Variants in NLE1 observed in about 807,000 individuals in gnomAD.
The protein encoded by NLE1 is notchless protein homolog 1.
Under a neutral mutation model 62.8 loss-of-function variants are expected in NLE1, and 37 were observed. That is an observed-to-expected ratio of 0.59 (90% confidence interval 0.45 to 0.78). The LOEUF (loss-of-function observed/expected upper bound fraction) is 0.78. Among genes scored for constraint, NLE1 ranks in the 30% least tolerant of loss-of-function variants. The probability of loss-of-function intolerance (pLI) is 0.00; values close to 1 mark genes in which losing one functional copy is unlikely to be tolerated. For synonymous variants in NLE1, 243 were observed against 253.0 expected, an observed-to-expected ratio of 0.96 and a Z score of 0.37; for missense variants, 555 against 637.9, an observed-to-expected ratio of 0.87 and a Z score of 1.40.
rs2091890377 is a variant in NLE1 at position 35,133,498 on chromosome 17, C to T, written c.1215G>A (p.Lys405=). 14 of 1,610,178 alleles carry T rather than the reference C, an allele frequency of 8.7e-6. No homozygotes were observed. The highest frequency in any genetic ancestry group is 1.2e-5 in the Non-Finnish European group (14 of 1,178,784). The part of the protein sequence containing the change: ...SIKLWDGRTG[K]YLASLRGHVA... ...CGTGGCCGCGTAGGGAAGCCAGGTA[C>T]CTGGTCCAGGAGAAGACGATGATGG... Residue 405 remains lysine, a splice_region_variant and synonymous_variant, in exon 11 of 13, where the codon AAG becomes AAA. Coordinates refer to ENST00000442241, the MANE Select transcript of NLE1 (RefSeq NM_018096.5).
chr17:35,134,772 C>T (rs2091898517), intron 10 of NLE1, among the ~76,000 whole-genome samples: 1 of 152,126 alleles, frequency 6.6e-6, no homozygotes, highest in African/African-American at 2.4e-5. Context: ...TGTAACTAGG[C>T]TGGGCATGGC....
At position 35,129,241 on chromosome 17, in the gene NLE1, A is replaced by G. The variant is rs888910113; in HGVS notation, c.*3196T>C. 2.7e-6 allele frequency: 2 copies of G among 747,744 alleles called. No individual in the cohort carries two copies. The highest frequency in any genetic ancestry group is 2.4e-5 in the Admixed American group (1 of 42,216). The allele number at this position is 747,744 out of a possible 1,614,324, so 46.3% of individuals were successfully genotyped here. On this transcript the variant is annotated 3_prime_UTR_variant, in exon 13 of 13. Coordinates refer to ENST00000442241, the MANE Select transcript of NLE1 (RefSeq NM_018096.5). Reference sequence around the variant, plus strand: ...GTGGGGCTGCCCAGGAGAGTAGTACATGCTTCGGGGCAGGGGTTCCACACT... The same window carrying G: ...GTGGGGCTGCCCAGGAGAGTAGTACGTGCTTCGGGGCAGGGGTTCCACACT...
rs772439507 is a variant in NLE1 at position 35,132,260 on chromosome 17, G to A, written c.*177C>T. The A allele has an allele frequency of 5.0e-5, 22 of 437,766 alleles. No homozygotes were observed. Among genetic ancestry groups the A allele is most frequent in the South Asian group, 1.7e-4 (2 of 11,576 alleles). 27.1% of individuals were successfully genotyped at this position (437,766 alleles called of 1,614,324 possible). ...TCTGGCTCTGGGGTGTGCCACAGGCGGGGATCTGTGGGAAAACCCCATTCC... is the reference window on the plus strand; with the variant it reads ...TCTGGCTCTGGGGTGTGCCACAGGCAGGGATCTGTGGGAAAACCCCATTCC... On this transcript the variant is annotated 3_prime_UTR_variant, in exon 13 of 13. Coordinates refer to ENST00000442241, the MANE Select transcript of NLE1 (RefSeq NM_018096.5).
chr17:35,129,644 T>G lies in NLE1; in HGVS notation c.*2793A>C, dbSNP rs763398949. Reference sequence around the variant, plus strand: ...CAACACAGCTGGGGTGGGGAAGTGGTGCAAGCCCTACAAAGTGAGCCCTGG... The same window carrying G: ...CAACACAGCTGGGGTGGGGAAGTGGGGCAAGCCCTACAAAGTGAGCCCTGG... On this transcript the variant is annotated 3_prime_UTR_variant, in exon 13 of 13. Coordinates refer to ENST00000442241, the MANE Select transcript of NLE1 (RefSeq NM_018096.5). 4 of 1,613,636 alleles carry G rather than the reference T, an allele frequency of 2.5e-6. No homozygotes were observed. Among genetic ancestry groups the G allele is most frequent in the Non-Finnish European group, 3.4e-6 (4 of 1,179,940 alleles).
In NLE1 at chr17:35,130,636, C is replaced by T; in HGVS notation, c.*1801G>A. 1.7e-6 allele frequency: 1 copy of T among 573,698 alleles called. No homozygotes were observed. 35.5% of individuals were successfully genotyped at this position (573,698 alleles called of 1,614,324 possible). ...TGGAGGCATCTCAGGCCAGGCCATG[C>T]CAGGCTCAGCCACTGCCCACAGCTG... On this transcript the variant is annotated 3_prime_UTR_variant, in exon 13 of 13. Coordinates refer to ENST00000442241, the MANE Select transcript of NLE1 (RefSeq NM_018096.5).
At chr17:35,136,890 C>T (rs1567745706) in intron 7 of NLE1, 111 bp downstream of exon 7, 1 of 1,067,540 alleles carries the variant, frequency 9.4e-7, no homozygotes, top group Non-Finnish European at 1.4e-6. Context: ...CCAGGGCTCC[C>T]AGCACACATC....
Position 35,129,276 on chromosome 17 carries a change from A to T in NLE1, c.*3161T>A. ...GCAGGGGTTCCACACTCAGTGCTGC[A>T]GTACCTTGCACCTTCCATCTGACCT... On this transcript the variant is annotated 3_prime_UTR_variant, in exon 13 of 13. Transcript: ENST00000442241. 1 of 996,440 alleles carries T rather than the reference A, an allele frequency of 1.0e-6. No homozygotes were observed. The highest frequency in any genetic ancestry group is 1.5e-6 in the Non-Finnish European group (1 of 669,348). 61.7% of individuals were successfully genotyped at this position (996,440 alleles called of 1,614,324 possible). A position where few individuals can be genotyped will look rare whatever the true frequency, so the allele number is the denominator to read the frequency against.
intron 4 of NLE1, among the ~76,000 whole-genome samples, chr17:35,138,287 T>C (rs190954992): frequency 1.5e-4 from 23 of 152,328 alleles, no homozygotes; most frequent in African/African-American, 5.3e-4. Context: ...ATCTGTGGTA[T>C]AGCAGTGGTT....
chr17:35,141,553 A>AAG (rs35990190), intron 2 of NLE1, among the ~76,000 whole-genome samples: 1 of 55,200 alleles, frequency 1.8e-5, no homozygotes, highest in Admixed American at 1.7e-4. Flanking sequence ...ACTCCGTCTC[A>AAG]AAAAAAAAAA....
In NLE1 at chr17:35,135,456, GGGA is replaced by G. The variant is rs750069006; in HGVS notation, c.1012-8_1012-6del. On this transcript the variant is annotated splice_polypyrimidine_tract_variant and splice_region_variant and intron_variant, in intron 9 of 12. Coordinates refer to ENST00000442241, the MANE Select transcript of NLE1 (RefSeq NM_018096.5). ...CAGCCTCTCTGGACCCTGGCCCTAGGGGAGGCAGAAAGCACACTGTGTTGGGTG... is the reference window on the plus strand; with the variant it reads ...CAGCCTCTCTGGACCCTGGCCCTAGGGGCAGAAAGCACACTGTGTTGGGTG... 2 of 1,613,930 alleles carry G rather than the reference GGGA, an allele frequency of 1.2e-6. No individual in the cohort carries two copies. The highest frequency in any genetic ancestry group is 2.2e-5 in the South Asian group (2 of 91,076).
At position 35,129,612 on chromosome 17, in the gene NLE1, G is replaced by C. The variant is rs34615886; in HGVS notation, c.*2825C>G. 6.2e-7 allele frequency: 1 copy of C among 1,614,114 alleles called. No individual in the cohort carries two copies. The highest frequency in any genetic ancestry group is 1.1e-5 in the South Asian group (1 of 91,078). ...AACACGTGTTACTGCCTCAGTGTCC[G>C]TGCAGCCAACACAGCTGGGGTGGGG... On this transcript the variant is annotated 3_prime_UTR_variant, in exon 13 of 13. Coordinates refer to ENST00000442241, the MANE Select transcript of NLE1 (RefSeq NM_018096.5).
In NLE1 at chr17:35,133,150, C is replaced by G. The variant is rs202004406; in HGVS notation, c.1445+21G>C. ...GGGTAGGAGGGCTGTGTATGCCAACCACCACTTCCCCCACACTCACATCCG... is the reference window on the plus strand; with the variant it reads ...GGGTAGGAGGGCTGTGTATGCCAACGACCACTTCCCCCACACTCACATCCG... On this transcript the variant is annotated intron_variant, in intron 12 of 12. Transcript: ENST00000442241. 7.4e-6 allele frequency: 12 copies of G among 1,612,304 alleles called. No homozygotes were observed. In the African/African-American group the frequency reaches 1.5e-4, roughly 20 times the overall value.
In NLE1 at chr17:35,137,213, G is replaced by A. The variant is rs750341201; in HGVS notation, c.636-20C>T. The A allele has an allele frequency of 1.9e-6, 3 of 1,585,644 alleles. No homozygotes were observed. Among genetic ancestry groups the A allele is most frequent in the Admixed American group, 3.4e-5 (2 of 58,250 alleles). The stretch of plus-strand genomic sequence containing the variant: ...GGGTTCCTGGAGAGAAGGGAGATGT[G>A]ACCTCATCTGTGACCTGGCAACATC... On this transcript the variant is annotated intron_variant, in intron 6 of 12. Transcript: ENST00000442241.
rs150218929 is a variant in NLE1, at chr17:35,129,186, A to C, written c.*3251T>G. 3.9e-6 allele frequency: 2 copies of C among 509,350 alleles called. No homozygotes were observed. The highest frequency in any genetic ancestry group is 7.1e-6 in the Non-Finnish European group (2 of 282,588). The allele number at this position is 509,350 out of a possible 1,614,324, so 31.6% of individuals were successfully genotyped here. On this transcript the variant is annotated 3_prime_UTR_variant, in exon 13 of 13. Coordinates refer to ENST00000442241, the MANE Select transcript of NLE1 (RefSeq NM_018096.5). ...GGTTGAGGACCCCTGGCGTATAAGA[A>C]ATATGGAATGAGGGTGTACCCTAAA...
At chr17:35,134,792 C>G (rs1200049436) in intron 10 of NLE1, among the ~76,000 whole-genome samples, 1 of 152,152 alleles carries the variant, frequency 6.6e-6, no homozygotes, top group Non-Finnish European at 1.5e-5. Context: ...CGGCTCACAC[C>G]TGTAATCCCA....
In NLE1 at chr17:35,129,642, G is replaced by A. The variant is rs771169372; in HGVS notation, c.*2795C>T. ...GCCAACACAGCTGGGGTGGGGAAGT[G>A]GTGCAAGCCCTACAAAGTGAGCCCT... On this transcript the variant is annotated 3_prime_UTR_variant, in exon 13 of 13. Transcript: ENST00000442241. 6.2e-7 allele frequency: 1 copy of A among 1,613,926 alleles called. No individual in the cohort carries two copies. Among genetic ancestry groups the A allele is most frequent in the South Asian group, 1.1e-5 (1 of 91,058 alleles).
chr17:35,131,514 G>C lies in NLE1; in HGVS notation c.*923C>G, dbSNP rs2091875943. Reference sequence around the variant, plus strand: ...CTGATGGGAATTCCTTTCACTGCTTGAAAGTTCTCGTGGCAAAGAACTTCC... The same window carrying C: ...CTGATGGGAATTCCTTTCACTGCTTCAAAGTTCTCGTGGCAAAGAACTTCC... On this transcript the variant is annotated 3_prime_UTR_variant, in exon 13 of 13. Transcript: ENST00000442241. 1 of 152,244 alleles carries C rather than the reference G, an allele frequency of 6.6e-6. No individual in the cohort carries two copies. Among genetic ancestry groups the C allele is most frequent in the Non-Finnish European group, 1.5e-5 (1 of 68,052 alleles). 9.4% of individuals were successfully genotyped at this position (152,244 alleles called of 1,614,324 possible). A position where few individuals can be genotyped will look rare whatever the true frequency, so the allele number is the denominator to read the frequency against.
At chr17:35,133,268 G>C (rs1352575891) in intron 11 of NLE1, 27 bp from the exon 12 acceptor site, 1 of 1,613,956 alleles carries the variant, frequency 6.2e-7, no homozygotes, top group East Asian at 2.2e-5. Context: ...GAAGGCAGGT[G>C]GGGTGGTGAG....
At position 35,135,190 on chromosome 17, in the gene NLE1, G is replaced by C; in HGVS notation, c.1214+59C>G. The C allele has an allele frequency of 7.8e-6, 12 of 1,545,134 alleles. No individual in the cohort carries two copies. In the South Asian group the frequency reaches 1.2e-4, roughly 16 times the overall value. The stretch of plus-strand genomic sequence containing the variant: ...AAGGCCATACAGCTAGTAAGTGGCA[G>C]TGCCAAGCCCCTCCCACCATTCACT... On this transcript the variant is annotated intron_variant, in intron 10 of 12. Coordinates refer to ENST00000442241, the MANE Select transcript of NLE1 (RefSeq NM_018096.5).
Sources: allele counts gnomAD v4.1 joint callset (sites outside exome capture counted in the v4.1 genomes callset), GRCh38; gene constraint gnomAD v4.1.1; transcripts MANE v1.5; gene names NCBI Gene and HGNC (gene_info 2026-07-23, HGNC 2026-07-21).